Variants in RPS6KC1 observed in about 807,000 individuals in gnomAD.
RPS6KC1 encodes the protein ribosomal protein S6 kinase C1.
A neutral mutation model predicts 103.8 loss-of-function variants in RPS6KC1; 54 were observed. That is an observed-to-expected ratio of 0.52 (90% CI 0.42 to 0.65). RPS6KC1 has a LOEUF of 0.65. RPS6KC1 is among the 30% of genes least tolerant of loss of function. The pLI, the probability that RPS6KC1 is intolerant of heterozygous loss-of-function variation, is 0.00. For missense variants in RPS6KC1, 1,151 were observed against 1,253.8 expected, an observed-to-expected ratio of 0.92 and a Z score of 1.24; for synonymous variants, 439 against 438.7, an observed-to-expected ratio of 1.00 and a Z score of -0.01.
intron 6 of RPS6KC1, among the ~76,000 whole-genome samples, chr1:213,132,876 G>C (rs2085806044): frequency 1.3e-5 from 2 of 152,084 alleles, no homozygotes; most frequent in African/African-American, 4.8e-5. Context: ...TTGTTATTTT[G>C]TTACTAAACT....
chr1:213,773,262 G>T, the RPS6KC1 span, among the ~76,000 whole-genome samples: 2 of 152,016 alleles, frequency 1.3e-5, no homozygotes, highest in African/African-American at 2.4e-5. Flanking sequence ...CCTTTGGAGC[G>T]AGAGAATGGG....
the RPS6KC1 span, among the ~76,000 whole-genome samples, chr1:213,843,273 T>C: frequency 6.6e-6 from 1 of 152,266 alleles, no homozygotes; most frequent in East Asian, 1.9e-4. Context: ...CACAGCAACA[T>C]CCAGACTGGT....
chr1:213,180,834 G>T (rs1354389320), intron 8 of RPS6KC1, among the ~76,000 whole-genome samples: 1 of 152,132 alleles, frequency 6.6e-6, no homozygotes, highest in Non-Finnish European at 1.5e-5. Flanking sequence ...TTTGTAATTG[G>T]GTTAGAAGAG....
the RPS6KC1 span, among the ~76,000 whole-genome samples, chr1:213,440,731 C>T: frequency 2.0e-5 from 3 of 151,860 alleles, no homozygotes; most frequent in Non-Finnish European, 4.4e-5. Flanking sequence ...GTAGGATAGT[C>T]TTCTTGTAGC....
At chr1:213,719,890 C>T in the RPS6KC1 span, among the ~76,000 whole-genome samples, 1 of 152,300 alleles carries the variant, frequency 6.6e-6, no homozygotes, top group South Asian at 2.1e-4. Context: ...TTTGTGCCTA[C>T]TTTACGTGAT....
In RPS6KC1 at chr1:213,194,381, C is replaced by T. The variant is rs557056601; in HGVS notation, c.1044+17889C>T. 3.3e-5 allele frequency among the ~76,000 whole-genome samples: 5 copies of T among 152,038 alleles called. No homozygotes were observed. In the South Asian group the frequency reaches 1.0e-3, roughly 32 times the overall value. ...GTGATTTTGTGGTCTTTCCTTTTTTCCTTCCTTCCTGTATTCCTGTTAGTG... is the reference window on the plus strand; with the variant it reads ...GTGATTTTGTGGTCTTTCCTTTTTTTCTTCCTTCCTGTATTCCTGTTAGTG... On this transcript the variant is annotated intron_variant, in intron 8 of 14. Transcript: ENST00000366960.
At chr1:213,773,826 G>C in the RPS6KC1 span, among the ~76,000 whole-genome samples, 2 of 152,106 alleles carry the variant, frequency 1.3e-5, no homozygotes, top group Non-Finnish European at 2.9e-5. Flanking sequence ...CTGATTGCAG[G>C]TCTTAACCAC....
chr1:213,804,871 G>A, the RPS6KC1 span, among the ~76,000 whole-genome samples: 1 of 152,162 alleles, frequency 6.6e-6, no homozygotes, highest in African/African-American at 2.4e-5. Flanking sequence ...GTTTATTTGA[G>A]GGTTTATTTT....
At chr1:213,151,233 T>C (rs1488686384) in intron 6 of RPS6KC1, among the ~76,000 whole-genome samples, 1 of 117,756 alleles carries the variant, frequency 8.5e-6, no homozygotes, top group Admixed American at 8.2e-5. Flanking sequence ...CCCCCCCACC[T>C]CCCTCCCGGA....
At chr1:213,849,863 A>T in the RPS6KC1 span, among the ~76,000 whole-genome samples, 2 of 151,966 alleles carry the variant, frequency 1.3e-5, no homozygotes, top group Non-Finnish European at 2.9e-5. Context: ...TTTAAATTAC[A>T]TTACTCTGGT....
the RPS6KC1 span, among the ~76,000 whole-genome samples, chr1:213,661,205 T>A: frequency 6.6e-6 from 1 of 152,166 alleles, no homozygotes; most frequent in East Asian, 1.9e-4. Context: ...AAATTATAAA[T>A]AAGTTGATAA....
chr1:213,631,051 C>G, the RPS6KC1 span, among the ~76,000 whole-genome samples: 18 of 152,256 alleles, frequency 1.2e-4, no homozygotes, highest in East Asian at 5.8e-4. Context: ...TTTGCTAAGA[C>G]AGTTGGAAAA....
chr1:213,635,693 C>T, the RPS6KC1 span, among the ~76,000 whole-genome samples: 38 of 152,268 alleles, frequency 2.5e-4, no homozygotes, highest in African/African-American at 8.7e-4. Flanking sequence ...GAAGCATTCC[C>T]TTTGAAAACT....
At chr1:213,419,030 C>T in the RPS6KC1 span, among the ~76,000 whole-genome samples, 1 of 152,252 alleles carries the variant, frequency 6.6e-6, no homozygotes, top group Non-Finnish European at 1.5e-5. Flanking sequence ...AACCCACGCA[C>T]ATTCTCTGGA....
chr1:213,670,041 A>C, the RPS6KC1 span, among the ~76,000 whole-genome samples: 59,032 of 151,990 alleles, frequency 0.39, 13,849 homozygotes, highest in South Asian at 0.7. Flanking sequence ...CAAATTGCTC[A>C]GGAAACTTTT....
At chr1:213,814,330 T>G in the RPS6KC1 span, among the ~76,000 whole-genome samples, 22 of 152,212 alleles carry the variant, frequency 1.4e-4, no homozygotes, top group African/African-American at 5.3e-4. Flanking sequence ...CCTCTTGGGA[T>G]GAGGGCAGCA....
At chr1:213,224,440 G>T (rs975307274) in intron 8 of RPS6KC1, among the ~76,000 whole-genome samples, 7 of 152,052 alleles carry the variant, frequency 4.6e-5, no homozygotes, top group Non-Finnish European at 8.8e-5. Context: ...AATTTCTTCT[G>T]TTAGACCATA....
the RPS6KC1 span, among the ~76,000 whole-genome samples, chr1:213,532,569 C>T: frequency 2.0e-5 from 3 of 152,156 alleles, no homozygotes; most frequent in East Asian, 1.9e-4. Context: ...TCTTCCTCCC[C>T]GTTCTCCACT....
chr1:213,172,877 T>G (rs1195965304), intron 7 of RPS6KC1, among the ~76,000 whole-genome samples: 1 of 152,240 alleles, frequency 6.6e-6, no homozygotes. Flanking sequence ...CTATAATTGC[T>G]AATAAATGTA....
Sources: allele counts gnomAD v4.1 joint callset (sites outside exome capture counted in the v4.1 genomes callset), GRCh38; gene constraint gnomAD v4.1.1; transcripts MANE v1.5; gene names NCBI Gene and HGNC (gene_info 2026-07-23, HGNC 2026-07-21).